MAN2A1: variants seen among roughly 807,000 people sequenced by gnomAD.
MAN2A1 encodes mannosidase alpha class 2A member 1.
Under a neutral mutation model 142.6 loss-of-function variants are expected in MAN2A1, and 76 were observed. The observed-to-expected ratio is 0.53, with a 90% CI of 0.44 to 0.65. The LOEUF (loss-of-function observed/expected upper bound fraction) is 0.65. Ranked by LOEUF, MAN2A1 falls within the 30% of genes least tolerant of loss-of-function variation. The pLI is 0.00. For missense variants in MAN2A1, 1,311 were observed against 1,365.1 expected (o/e 0.96, Z 0.62); for synonymous variants, 559 against 473.2 (o/e 1.18, Z -2.35).
At chr5:109,804,131 A>AT (rs990872934) in intron 12 of MAN2A1, 23 of 984,894 alleles carry the variant, frequency 2.3e-5, no homozygotes, top group African/African-American at 3.5e-5. Flanking sequence ...TCTGAACTAG[A>AT]TTTTTTTTCC....
intron 1 of MAN2A1, among the ~76,000 whole-genome samples, chr5:109,698,205 A>G (rs548771997): frequency 6.6e-6 from 1 of 152,232 alleles, no homozygotes; most frequent in Admixed American, 6.5e-5. Context: ...TATCTTCTTC[A>G]TAAGCTGTAA....
chr5:109,841,131 C>G (rs939368143), intron 16 of MAN2A1, among the ~76,000 whole-genome samples: 6 of 152,064 alleles, frequency 3.9e-5, no homozygotes, highest in African/African-American at 1.4e-4. Context: ...CCTGTAATAT[C>G]TCTCTCGCAC....
intron 9 of MAN2A1, among the ~76,000 whole-genome samples, chr5:109,784,219 T>C (rs1247138216): frequency 6.6e-6 from 1 of 152,186 alleles, no homozygotes; most frequent in Non-Finnish European, 1.5e-5. Flanking sequence ...CATTCAAAAC[T>C]GAAACTAACC....
At chr5:109,729,270 C>CA in intron 3 of MAN2A1, 72 bp from the exon 4 acceptor site, 2 of 918,632 alleles carry the variant, frequency 2.2e-6, no homozygotes, top group South Asian at 3.4e-5. Flanking sequence ...CAAAGTAATG[C>CA]AATGGAATGT....
intron 3 of MAN2A1, among the ~76,000 whole-genome samples, chr5:109,723,560 G>T (rs779422649): frequency 6.6e-6 from 1 of 152,006 alleles, no homozygotes; most frequent in Non-Finnish European, 1.5e-5. Flanking sequence ...CTCATTTTCT[G>T]TTTCTCTGCT....
At chr5:109,805,246 T>A (rs1157010322) in intron 12 of MAN2A1, among the ~76,000 whole-genome samples, 2 of 152,196 alleles carry the variant, frequency 1.3e-5, no homozygotes, top group African/African-American at 4.8e-5. Context: ...ATATCAAAAG[T>A]TTTAGAATAC....
Position 109,767,673 on chromosome 5 carries a change from A to C in MAN2A1, c.974A>C (p.His325Pro). 1 of 1,613,348 alleles carries C rather than the reference A, an allele frequency of 6.2e-7. No homozygotes were observed. The highest frequency in any genetic ancestry group is 8.5e-7 in the Non-Finnish European group (1 of 1,179,634). The change falls in exon 6 of 22, where the codon CAT becomes CCT. Residue 325 changes from histidine to proline, a missense_variant. Physicochemically the swap from His to Pro is moderately conservative, Grantham distance 77. Around this residue, in one of 3 missense-constraint regions of MAN2A1, gnomAD observed 409 missense variants for 412.7 expected, o/e 0.99. Coordinates refer to ENST00000261483, the MANE Select transcript of MAN2A1 (RefSeq NM_002372.4). ...GCAGTTAAAAAACACTTTGCACTGC[A>C]TAAAACATTGGAGTTTTTTTGGAGA... is the stretch of plus-strand genomic sequence containing the variant. ...HYAVKKHFAL[H>P]KTLEFFWRQN... is the part of the protein sequence containing the mutation.
chr5:109,762,485 G>A (rs936011879), intron 5 of MAN2A1, among the ~76,000 whole-genome samples: 2 of 152,198 alleles, frequency 1.3e-5, no homozygotes, highest in Admixed American at 6.5e-5. Flanking sequence ...GAGTGGCAGC[G>A]AGGCCTCTTG....
intron 5 of MAN2A1, among the ~76,000 whole-genome samples, chr5:109,767,321 C>T (rs1753018641): frequency 6.6e-6 from 1 of 152,142 alleles, no homozygotes; most frequent in Admixed American, 6.5e-5. Flanking sequence ...TGATTAATTT[C>T]AGTGAGCATC....
At chr5:109,833,663 A>G (rs888817478) in intron 16 of MAN2A1, among the ~76,000 whole-genome samples, 3 of 117,230 alleles carry the variant, frequency 2.6e-5, no homozygotes, top group Non-Finnish European at 3.4e-5. Context: ...GACGGTGGAG[A>G]GAGAGGGAGA....
chr5:109,832,467 G>A (rs1160733882), intron 16 of MAN2A1, among the ~76,000 whole-genome samples: 3 of 152,118 alleles, frequency 2.0e-5, no homozygotes, highest in African/African-American at 7.2e-5. Context: ...CACAGCACAT[G>A]TTTCAGAGAG....
intron 3 of MAN2A1, among the ~76,000 whole-genome samples, chr5:109,727,004 T>G (rs569054344): frequency 7.2e-5 from 11 of 152,338 alleles, no homozygotes; most frequent in Non-Finnish European, 7.3e-5. Context: ...GAAATAGATT[T>G]ACTTACGTAC....
chr5:109,842,967 A>C (rs947365541), intron 17 of MAN2A1, among the ~76,000 whole-genome samples: 4 of 151,786 alleles, frequency 2.6e-5, no homozygotes, highest in Admixed American at 6.6e-5. Flanking sequence ...CACTACACCC[A>C]GCTAATTTTT....
intron 4 of MAN2A1, among the ~76,000 whole-genome samples, chr5:109,744,683 G>A (rs1473035978): frequency 6.6e-6 from 1 of 152,088 alleles, no homozygotes; most frequent in Non-Finnish European, 1.5e-5. Flanking sequence ...CAAAATGGGG[G>A]CGACTTTCTG....
At chr5:109,693,130 T>C (rs1013852659) in intron 1 of MAN2A1, among the ~76,000 whole-genome samples, 1 of 152,174 alleles carries the variant, frequency 6.6e-6, no homozygotes, top group African/African-American at 2.4e-5. Flanking sequence ...ACTTTTATTT[T>C]GAAGCCATAA....
chr5:109,753,678 A>G (rs1582861676), intron 4 of MAN2A1, among the ~76,000 whole-genome samples: 1 of 152,188 alleles, frequency 6.6e-6, no homozygotes, highest in Non-Finnish European at 1.5e-5. Flanking sequence ...TGTGGCTTCT[A>G]TCATATGCTT....
chr5:109,764,864 A>T (rs902262011), intron 5 of MAN2A1, among the ~76,000 whole-genome samples: 33 of 152,056 alleles, frequency 2.2e-4, no homozygotes, highest in Non-Finnish European at 4.4e-4. Flanking sequence ...CTTAATTTTG[A>T]TATAATTTTT....
At chr5:109,762,143 T>G (rs1384625831) in intron 5 of MAN2A1, among the ~76,000 whole-genome samples, 3 of 152,160 alleles carry the variant, frequency 2.0e-5, no homozygotes, top group Non-Finnish European at 2.9e-5. Context: ...TCCACAAGGA[T>G]AGGATAGTAT....
chr5:109,827,829 C>T (rs911371648), intron 16 of MAN2A1, among the ~76,000 whole-genome samples: 7 of 152,172 alleles, frequency 4.6e-5, no homozygotes, highest in East Asian at 1.9e-4. Flanking sequence ...AGGCGTGGCA[C>T]GGTGGCTCAC....
Sources: gnomAD v4.1 joint callset for allele counts (sites outside exome capture counted in the v4.1 genomes callset) on GRCh38, gnomAD v4.1.1 for gene constraint, gnomAD v4.1.1 regional missense constraint, MANE v1.5 for transcripts, NCBI Gene and HGNC (gene_info 2026-07-23, HGNC 2026-07-21) for gene names.